The following PPP2R2A variants were observed in gnomAD, a reference collection of about 807,000 sequenced individuals.
PPP2R2A encodes the protein protein phosphatase 2 regulatory subunit Balpha.
PPP2R2A carries 9 observed loss-of-function variants against 53.2 expected under a neutral mutation model. The observed-to-expected ratio is 0.17, with a 90% CI of 0.10 to 0.30. The LOEUF (loss-of-function observed/expected upper bound fraction) is 0.30, where lower values mean the gene tolerates loss of function less well. Ranked by LOEUF, PPP2R2A falls within the 10% of genes least tolerant of loss-of-function variation. The pLI is 1.00. For synonymous variants in PPP2R2A, 169 were observed against 174.2 expected, an observed-to-expected ratio of 0.97 and a Z score of 0.23; for missense variants, 235 against 534.6, an observed-to-expected ratio of 0.44 and a Z score of 5.53.
chr8:26,299,077 C>T (rs1033629268), intron 2 of PPP2R2A, among the ~76,000 whole-genome samples: 6 of 152,068 alleles, frequency 3.9e-5, no homozygotes, highest in Non-Finnish European at 8.8e-5. Context: ...AGTCTGAGAC[C>T]AGCCTGGACA....
intron 4 of PPP2R2A, among the ~76,000 whole-genome samples, chr8:26,355,680 T>C (rs1017257392): frequency 2.0e-5 from 3 of 152,024 alleles, no homozygotes; most frequent in Non-Finnish European, 4.4e-5. Flanking sequence ...CTGGCTAACA[T>C]GGTGAAACCG....
intron 2 of PPP2R2A, among the ~76,000 whole-genome samples, chr8:26,313,366 C>G (rs1324800145): frequency 6.6e-6 from 1 of 152,080 alleles, no homozygotes; most frequent in Non-Finnish European, 1.5e-5. Context: ...CATGCTCATA[C>G]AGCTGTTTTT....
chr8:26,363,264 C>T (rs1805210883), intron 7 of PPP2R2A: 1 of 155,124 alleles, frequency 6.4e-6, no homozygotes, highest in Non-Finnish European at 1.4e-5. Context: ...ATACAATATT[C>T]TTGTCTTGTT....
intron 3 of PPP2R2A, among the ~76,000 whole-genome samples, chr8:26,352,788 C>G (rs931419887): frequency 6.6e-6 from 1 of 152,112 alleles, no homozygotes; most frequent in African/African-American, 2.4e-5. Context: ...TTGTTTTGTG[C>G]TTTTCTTAAC....
chr8:26,292,037 C>T (rs1801319819), intron 1 of PPP2R2A: 2 of 915,028 alleles, frequency 2.2e-6, no homozygotes, highest in East Asian at 1.4e-4. Flanking sequence ...GAGAACGGGG[C>T]TGGCGCCGTG....
chr8:26,337,923 G>A (rs956464888), intron 2 of PPP2R2A, among the ~76,000 whole-genome samples: 3 of 152,204 alleles, frequency 2.0e-5, no homozygotes, highest in African/African-American at 7.2e-5. Flanking sequence ...GTGCTGGATA[G>A]ATTATTGGTG....
At position 26,362,911 on chromosome 8, in the gene PPP2R2A, G is replaced by C; in HGVS notation, c.802+63G>C. The stretch of plus-strand genomic sequence containing the variant: ...TTCTGTTTGTCTGAAATAAGCCTCA[G>C]ACATGATAAGTACAATTACAGAGGT... On this transcript the variant is annotated intron_variant, in intron 7 of 9. Coordinates refer to ENST00000380737, the MANE Select transcript of PPP2R2A (RefSeq NM_002717.4). This position sits in a 1 kb window ranked among gnomAD's most constrained non-coding sequence, Gnocchi z 4.4. 1 of 1,482,774 alleles carries C rather than the reference G, an allele frequency of 6.7e-7. No homozygotes were observed. Among genetic ancestry groups the C allele is most frequent in the Non-Finnish European group, 9.3e-7 (1 of 1,080,714 alleles). The allele number at this position is 1,482,774 out of a possible 1,614,324, so 91.9% of individuals were successfully genotyped here. A position where few individuals can be genotyped will look rare whatever the true frequency, so the allele number is the denominator to read the frequency against.
At position 26,363,910 on chromosome 8, in the gene PPP2R2A, C is replaced by A. The variant is rs1279036986; in HGVS notation, c.972+20C>A. On this transcript the variant is annotated intron_variant, in intron 8 of 9. Coordinates refer to ENST00000380737, the MANE Select transcript of PPP2R2A (RefSeq NM_002717.4). ...TACCAGGTATTTGAGTTTTTTCTTTCAATGAGCATATACCCTGTTTACTTT... is the reference window on the plus strand; with the variant it reads ...TACCAGGTATTTGAGTTTTTTCTTTAAATGAGCATATACCCTGTTTACTTT... 1.3e-6 allele frequency: 2 copies of A among 1,567,992 alleles called. No individual in the cohort carries two copies. The highest frequency in any genetic ancestry group is 2.7e-5 in the African/African-American group (2 of 73,546).
chr8:26,294,252 A>G (rs542681800), intron 2 of PPP2R2A, among the ~76,000 whole-genome samples: 1 of 152,264 alleles, frequency 6.6e-6, no homozygotes, highest in African/African-American at 2.4e-5. Flanking sequence ...GATAGCTCAG[A>G]TTATTCATTT....
chr8:26,320,568 A>T (rs547551018), intron 2 of PPP2R2A, among the ~76,000 whole-genome samples: 1 of 152,310 alleles, frequency 6.6e-6, no homozygotes, highest in African/African-American at 2.4e-5. Context: ...ACTGCTGGGC[A>T]TGCAGTTGTA....
intron 2 of PPP2R2A, among the ~76,000 whole-genome samples, chr8:26,304,484 A>G (rs1190146531): frequency 6.6e-6 from 1 of 152,224 alleles, no homozygotes; most frequent in Non-Finnish European, 1.5e-5. Context: ...CCAGAAGAAC[A>G]TGGTTAGATC....
Position 26,354,246 on chromosome 8 carries a change from G to A in PPP2R2A, c.181-222G>A, listed in dbSNP as rs1013469952. Among the ~76,000 whole-genome samples, 2 of 151,908 alleles carry A rather than the reference G, an allele frequency of 1.3e-5. No individual in the cohort carries two copies. Among genetic ancestry groups the A allele is most frequent in the African/African-American group, 4.8e-5 (2 of 41,340 alleles). ...TATTTAACGTCATTATTTCCCTAAT[G>A]AATTGAGCTTATTTATTCAGCTTTA... On this transcript the variant is annotated intron_variant, in intron 3 of 9. Coordinates refer to ENST00000380737, the MANE Select transcript of PPP2R2A (RefSeq NM_002717.4). This position sits in a 1 kb window ranked among gnomAD's most constrained non-coding sequence, Gnocchi z 4.6.
intron 3 of PPP2R2A, among the ~76,000 whole-genome samples, chr8:26,344,128 C>T (rs951074519): frequency 1.3e-5 from 2 of 152,210 alleles, no homozygotes; most frequent in Non-Finnish European, 2.9e-5. Context: ...CATGGCTTTG[C>T]CCACTCTAAC....
At chr8:26,323,362 A>G (rs755852094) in intron 2 of PPP2R2A, among the ~76,000 whole-genome samples, 2 of 152,210 alleles carry the variant, frequency 1.3e-5, no homozygotes, top group Non-Finnish European at 2.9e-5. Flanking sequence ...AGCAGACACC[A>G]GCTGGGTGTC....
At chr8:26,324,227 C>A (rs1802978368) in intron 2 of PPP2R2A, among the ~76,000 whole-genome samples, 1 of 152,168 alleles carries the variant, frequency 6.6e-6, no homozygotes, top group South Asian at 2.1e-4. Flanking sequence ...TTTCTTTGAC[C>A]ACCCTACCTG....
intron 4 of PPP2R2A, among the ~76,000 whole-genome samples, chr8:26,356,804 G>A (rs377415808): frequency 1.3e-5 from 2 of 152,196 alleles, no homozygotes; most frequent in African/African-American, 4.8e-5. Flanking sequence ...GAATAGTATA[G>A]TGAAGCCCTG....
intron 2 of PPP2R2A, among the ~76,000 whole-genome samples, chr8:26,310,920 A>C (rs1218772093): frequency 6.6e-6 from 1 of 152,150 alleles, no homozygotes; most frequent in East Asian, 1.9e-4. Context: ...TTGTAGTATC[A>C]CAGCCCTTTT....
intron 4 of PPP2R2A, among the ~76,000 whole-genome samples, chr8:26,356,724 GTTTA>G (rs1436261388): frequency 2.0e-5 from 3 of 152,094 alleles, no homozygotes; most frequent in African/African-American, 7.2e-5. Context: ...TTTTATGTCA[GTTTA>G]TTTCTTATAG....
At chr8:26,343,034 T>G (rs1038024147) in intron 3 of PPP2R2A, among the ~76,000 whole-genome samples, 4 of 151,972 alleles carry the variant, frequency 2.6e-5, no homozygotes, top group African/African-American at 9.7e-5. Context: ...AAAAATTAGC[T>G]GATCCTGGTG....
Sources: gnomAD v4.1 joint callset for allele counts (sites outside exome capture counted in the v4.1 genomes callset) on GRCh38, gnomAD v4.1.1 for gene constraint, Gnocchi (gnomAD v3.1) non-coding constraint, MANE v1.5 for transcripts, NCBI Gene and HGNC (gene_info 2026-07-23, HGNC 2026-07-21) for gene names.